TOP2B: variants seen among roughly 807,000 people sequenced by gnomAD.
TOP2B encodes the protein DNA topoisomerase II beta.
A neutral mutation model predicts 193.5 loss-of-function variants in TOP2B; 51 were observed. That is an observed-to-expected ratio of 0.26 (90% CI 0.21 to 0.33). The LOEUF (loss-of-function observed/expected upper bound fraction) is 0.33. Among genes scored for constraint, TOP2B ranks in the 10% least tolerant of loss-of-function variants. The pLI is 1.00. For synonymous variants in TOP2B, 634 were observed against 635.7 expected (o/e 1.00, Z 0.04); for missense variants, 1,378 against 1,909.3 (o/e 0.72, Z 5.19).
chr3:25,615,239 T>G lies in TOP2B; in HGVS notation c.3557A>C (p.Lys1186Thr), dbSNP rs535234636. The change falls in exon 27 of 36, where the codon AAA becomes ACA. Residue 1186 changes from lysine to threonine, a missense_variant. Physicochemically the swap from Lys to Thr is moderately conservative, Grantham distance 78 (BLOSUM62 -1). Around this residue, in one of 9 missense-constraint regions of TOP2B, gnomAD observed 556 missense variants for 584.2 expected, o/e 0.95. Coordinates refer to ENST00000264331, the MANE Select transcript of TOP2B (RefSeq NM_001330700.2). ...LKRKSPSDLWKEDLAAFVEEL... is the reference protein window; with the variant it reads ...LKRKSPSDLWTEDLAAFVEEL... The stretch of plus-strand genomic sequence containing the variant: ...TTCAACAAATGCCGCTAAATCCTCT[T>G]TCCAAAGATCTGAAGGAGATTTTCT... 5.6e-6 allele frequency: 9 copies of G among 1,612,634 alleles called. No individual in the cohort carries two copies. The African/African-American group carries it at 9.3e-5, about 17-fold the overall frequency.
intron 28 of TOP2B, among the ~76,000 whole-genome samples, chr3:25,612,137 T>C (rs898807786): frequency 4.0e-5 from 6 of 151,736 alleles, no homozygotes; most frequent in African/African-American, 1.5e-4. Context: ...AGAGACGGGG[T>C]TTCACCATGT....
intron 13 of TOP2B, among the ~76,000 whole-genome samples, chr3:25,629,382 T>C (rs1227474005): frequency 6.6e-6 from 1 of 152,068 alleles, no homozygotes; most frequent in Non-Finnish European, 1.5e-5. Context: ...TGTTTTATAG[T>C]TTCCCCAGAT....
Position 25,633,997 on chromosome 3 carries a change from A to G in TOP2B, c.870T>C (p.Ser290=). 1 of 1,605,884 alleles carries G rather than the reference A, an allele frequency of 6.2e-7. No individual in the cohort carries two copies. Among genetic ancestry groups the G allele is most frequent in the Non-Finnish European group, 8.5e-7 (1 of 1,177,464 alleles). The change falls in exon 8 of 36, where the codon AGT becomes AGC. Residue 290 remains serine (S), a synonymous_variant. Transcript: ENST00000264331. Reference sequence around the variant, plus strand: ...TGTCTTTCACATAAAGATCTACATAACTGCGAAATCCATTTACCTATTAAT... The same window carrying G: ...TGTCTTTCACATAAAGATCTACATAGCTGCGAAATCCATTTACCTATTAAT... ...GKKLPVNGFR[S]YVDLYVKDKL...
chr3:25,621,509 G>A (rs968246519), intron 21 of TOP2B, among the ~76,000 whole-genome samples: 6 of 151,968 alleles, frequency 3.9e-5, no homozygotes, highest in Admixed American at 2.0e-4. Flanking sequence ...TTACAGATGC[G>A]TGCCACCATG....
At chr3:25,621,369 T>C (rs927252033) in intron 21 of TOP2B, among the ~76,000 whole-genome samples, 16 of 152,176 alleles carry the variant, frequency 1.1e-4, no homozygotes, top group African/African-American at 3.9e-4. Flanking sequence ...TCTAAGTTTT[T>C]ATTTGTTTTG....
intron 18 of TOP2B, among the ~76,000 whole-genome samples, chr3:25,625,318 G>A: frequency 6.6e-6 from 1 of 152,150 alleles, no homozygotes; most frequent in East Asian, 1.9e-4. Context: ...ATGTGACTAA[G>A]CAAATAACTA....
intron 7 of TOP2B, among the ~76,000 whole-genome samples, chr3:25,635,285 C>T (rs2125384431): frequency 6.6e-6 from 1 of 152,168 alleles, no homozygotes; most frequent in South Asian, 2.1e-4. Flanking sequence ...GCTTATTTAC[C>T]TCGATATCTA....
chr3:25,623,442 T>G, intron 21 of TOP2B, 73 bp downstream of exon 21: 1 of 1,379,280 alleles, frequency 7.3e-7, no homozygotes, highest in East Asian at 2.4e-5. Context: ...TTCCATTACT[T>G]TTCTAAAATG....
At chr3:25,642,757 A>C (rs544512356) in intron 3 of TOP2B, among the ~76,000 whole-genome samples, 19 of 152,280 alleles carry the variant, frequency 1.2e-4, no homozygotes, top group African/African-American at 3.8e-4. Flanking sequence ...CATTCTATTG[A>C]TCACTTTCAA....
rs1351628681 is a variant in TOP2B, at chr3:25,627,224, C to G, written c.1979G>C (p.Arg660Thr). 2 of 1,610,028 alleles carry G rather than the reference C, an allele frequency of 1.2e-6. No homozygotes were observed. The highest frequency in any genetic ancestry group is 1.7e-6 in the Non-Finnish European group (2 of 1,178,690). Residue 660 changes from arginine to threonine, a missense_variant, in exon 16 of 36, where the codon AGA (arginine) becomes ACA (threonine). Transcript: ENST00000264331. Reference sequence around the variant, plus strand: ...AGCATCATCTTCAGGACCAGCATATCTAAACAAGATGCGATGCCTTTCCAT... The same window carrying G: ...AGCATCATCTTCAGGACCAGCATATGTAAACAAGATGCGATGCCTTTCCAT... ...ADMERHRILF[R>T]YAGPEDDAAI... is the part of the protein sequence containing the mutation.
intron 1 of TOP2B, among the ~76,000 whole-genome samples, chr3:25,650,513 T>C (rs1308925229): frequency 6.6e-6 from 1 of 152,240 alleles, no homozygotes; most frequent in African/African-American, 2.4e-5. Flanking sequence ...ATCCCATTTG[T>C]TTAAAATTTC....
chr3:25,655,942 T>G (rs1221090564), intron 1 of TOP2B, among the ~76,000 whole-genome samples: 7 of 152,266 alleles, frequency 4.6e-5, no homozygotes, highest in African/African-American at 1.4e-4. Flanking sequence ...CTTCTAGAGA[T>G]CTGTTGCTTA....
At chr3:25,617,273 G>A (rs946346238) in intron 25 of TOP2B, among the ~76,000 whole-genome samples, 1 of 151,892 alleles carries the variant, frequency 6.6e-6, no homozygotes, top group Non-Finnish European at 1.5e-5. Flanking sequence ...AAGGCAAAAG[G>A]CAAGTGTTGT....
At chr3:25,652,180 A>G (rs1246429638) in intron 1 of TOP2B, among the ~76,000 whole-genome samples, 1 of 152,216 alleles carries the variant, frequency 6.6e-6, no homozygotes, top group Non-Finnish European at 1.5e-5. Flanking sequence ...TTTATGAGCA[A>G]ACACTGACAG....
Position 25,615,189 on chromosome 3 carries a change from T to C in TOP2B, c.3591+16A>G, listed in dbSNP as rs201565444. 8 of 1,590,142 alleles carry C rather than the reference T, an allele frequency of 5.0e-6. No homozygotes were observed. Among genetic ancestry groups the C allele is most frequent in the Non-Finnish European group, 6.8e-6 (8 of 1,170,014 alleles). On this transcript the variant is annotated intron_variant, in intron 27 of 35. Transcript: ENST00000264331. ...CATGACTTTTCCAAATAAATTTTAA[T>C]AGAGACTTAACCTACATCCAGTTCT...
chr3:25,599,415 G>A lies in TOP2B; in HGVS notation c.4710+20C>T, dbSNP rs773165053. On this transcript the variant is annotated intron_variant, in intron 35 of 35. Transcript: ENST00000264331. ...TTTTTAAAAAGCCATGCACTAATATGCAATGATGTTCCCGGTTACCTTGCT... is the reference window on the plus strand; with the variant it reads ...TTTTTAAAAAGCCATGCACTAATATACAATGATGTTCCCGGTTACCTTGCT... 1 of 1,609,070 alleles carries A rather than the reference G, an allele frequency of 6.2e-7. No homozygotes were observed. The highest frequency in any genetic ancestry group is 1.1e-5 in the South Asian group (1 of 90,224).
At chr3:25,626,462 G>T in intron 18 of TOP2B, 98 bp downstream of exon 18, 1 of 640,012 alleles carries the variant, frequency 1.6e-6, no homozygotes, top group Non-Finnish European at 2.5e-6. Flanking sequence ...AAGATTTAAA[G>T]TAAGAATTTT....
At chr3:25,652,470 G>A (rs1703620170) in intron 1 of TOP2B, among the ~76,000 whole-genome samples, 1 of 151,994 alleles carries the variant, frequency 6.6e-6, no homozygotes, top group Non-Finnish European at 1.5e-5. Context: ...AATCATATAA[G>A]GTATATTTTC....
chr3:25,636,214 A>G, intron 6 of TOP2B, 66 bp from the exon 7 acceptor site: 3 of 982,128 alleles, frequency 3.1e-6, no homozygotes, highest in South Asian at 3.5e-5. Context: ...TAAAGACTAC[A>G]CTCATTAAAT....
Sources: allele counts gnomAD v4.1 joint callset (sites outside exome capture counted in the v4.1 genomes callset), GRCh38; gene constraint gnomAD v4.1.1; regional missense constraint gnomAD v4.1.1; transcripts MANE v1.5; gene names NCBI Gene and HGNC (gene_info 2026-07-23, HGNC 2026-07-21).